The following CLTA variants were observed in gnomAD, a reference collection of about 807,000 sequenced individuals.
CLTA encodes clathrin light chain A.
A neutral mutation model predicts 26.9 loss-of-function variants in CLTA; 9 were observed. That is an observed-to-expected ratio of 0.33 (90% CI 0.20 to 0.58). The LOEUF is 0.58. Ranked by LOEUF, CLTA falls within the 20% of genes least tolerant of loss-of-function variation. CLTA has a pLI of 0.85. For missense variants in CLTA, 278 were observed against 294.2 expected, an observed-to-expected ratio of 0.94 and a Z score of 0.40; for synonymous variants, 120 against 115.5, an observed-to-expected ratio of 1.04 and a Z score of -0.25.
At chr9:36,194,080 C>A (rs538916815) in intron 1 of CLTA, among the ~76,000 whole-genome samples, 1 of 152,316 alleles carries the variant, frequency 6.6e-6, no homozygotes, top group South Asian at 2.1e-4. Context: ...GGCTGGAGTG[C>A]AGTGGTGCGA....
At chr9:36,210,676 C>G in intron 4 of CLTA, 1 of 1,614,136 alleles carries the variant, frequency 6.2e-7, no homozygotes, top group Non-Finnish European at 8.5e-7. Context: ...GTAAACCTTT[C>G]TCACTGCCCC....
intron 4 of CLTA, among the ~76,000 whole-genome samples, chr9:36,210,209 T>C (rs1351377232): frequency 1.3e-5 from 2 of 151,992 alleles, no homozygotes; most frequent in Non-Finnish European, 2.9e-5. Context: ...TGGCTTTACA[T>C]GAGAAGTAAG....
upstream of CLTA, chr9:36,190,918 C>G: frequency 1.4e-6 from 2 of 1,384,984 alleles, no homozygotes; most frequent in Non-Finnish European, 9.4e-7. Context: ...ACGGGTAGGG[C>G]TTCCGCTTTA....
intron 2 of CLTA, among the ~76,000 whole-genome samples, chr9:36,198,589 A>G (rs1288973649): frequency 1.3e-5 from 2 of 151,028 alleles, no homozygotes; most frequent in Admixed American, 6.6e-5. Flanking sequence ...AGGCAAGAGG[A>G]GAATTTGCTT....
At chr9:36,191,308 T>C (rs748446095) in intron 1 of CLTA, 35 bp downstream of exon 1, 5 of 1,478,336 alleles carry the variant, frequency 3.4e-6, no homozygotes, top group Middle Eastern at 2.4e-4. Context: ...CGAGAGGACT[T>C]GTCTGGAAAC....
rs1563919901 is a variant in CLTA at position 36,211,585 on chromosome 9, T to C, written c.486-18T>C. ...AGGGGGTTCTGCATAAACCAACATA[T>C]TTTGTTGTTGCTTCCAGGGCAGCAG... On this transcript the variant is annotated intron_variant, in intron 4 of 4. Coordinates refer to ENST00000345519, the MANE Select transcript of CLTA (RefSeq NM_001833.4). 6.3e-7 allele frequency: 1 copy of C among 1,599,392 alleles called. No homozygotes were observed. Among genetic ancestry groups the C allele is most frequent in the Admixed American group, 1.7e-5 (1 of 59,084 alleles).
At chr9:36,201,279 T>TA (rs1448386349) in intron 3 of CLTA, among the ~76,000 whole-genome samples, 3 of 152,224 alleles carry the variant, frequency 2.0e-5, no homozygotes, top group African/African-American at 4.8e-5. Flanking sequence ...CACGCGATGC[T>TA]AAAAATAGAG....
chr9:36,199,847 A>G (rs1186271435), intron 3 of CLTA, among the ~76,000 whole-genome samples: 1 of 152,232 alleles, frequency 6.6e-6, no homozygotes, highest in Non-Finnish European at 1.5e-5. Context: ...TTCCTACCTT[A>G]ATATCTCTGT....
At chr9:36,201,658 A>G (rs374495180) in intron 3 of CLTA, among the ~76,000 whole-genome samples, 1 of 152,224 alleles carries the variant, frequency 6.6e-6, no homozygotes, top group East Asian at 1.9e-4. Flanking sequence ...TCAAAAAGGT[A>G]ATTATTTGGA....
Position 36,190,991 on chromosome 9 carries a change from C to G in CLTA, c.-66C>G, listed in dbSNP as rs1342166750. 4 of 1,465,818 alleles carry G rather than the reference C, an allele frequency of 2.7e-6. No homozygotes were observed. The Admixed American group carries it at 7.7e-5, about 28-fold the overall frequency. 90.8% of individuals were successfully genotyped at this position (1,465,818 alleles called of 1,614,324 possible). On this transcript the variant is annotated 5_prime_UTR_variant, in exon 1 of 5. Transcript: ENST00000345519. ...CGGCACCACAGCGGTGGCTGCCGGGCGTGGTGTCGGTGGGTCGGTTGGTTT... is the reference window on the plus strand; with the variant it reads ...CGGCACCACAGCGGTGGCTGCCGGGGGTGGTGTCGGTGGGTCGGTTGGTTT...
At chr9:36,191,365 G>GC in intron 1 of CLTA, 92 bp downstream of exon 1, 1 of 1,358,324 alleles carries the variant, frequency 7.4e-7, no homozygotes, top group South Asian at 1.6e-5. Flanking sequence ...CGTGCTCCTT[G>GC]CTGAATTAGG....
intron 4 of CLTA, among the ~76,000 whole-genome samples, chr9:36,206,339 C>G (rs183756073): frequency 6.6e-6 from 1 of 152,232 alleles, no homozygotes; most frequent in African/African-American, 2.4e-5. Context: ...CACCAGGGCT[C>G]TAGGACAGAA....
intron 3 of CLTA, among the ~76,000 whole-genome samples, chr9:36,200,868 G>A (rs764504447): frequency 1.1e-4 from 17 of 152,154 alleles, no homozygotes; most frequent in Non-Finnish European, 2.2e-4. Flanking sequence ...ATTGGACAGT[G>A]GAGCTGTAGG....
chr9:36,200,409 A>G (rs1165846731), intron 3 of CLTA, among the ~76,000 whole-genome samples: 3 of 152,262 alleles, frequency 2.0e-5, no homozygotes, highest in Non-Finnish European at 2.9e-5. Context: ...AAATATTTCA[A>G]TGTACACCTC....
intron 1 of CLTA, among the ~76,000 whole-genome samples, chr9:36,191,740 TTC>T (rs1218094624): frequency 6.6e-6 from 1 of 152,158 alleles, no homozygotes; most frequent in African/African-American, 2.4e-5. Flanking sequence ...AGCAATGCAG[TTC>T]AGCATTTAAG....
At chr9:36,195,312 C>T (rs2132862228) in intron 1 of CLTA, among the ~76,000 whole-genome samples, 1 of 152,226 alleles carries the variant, frequency 6.6e-6, no homozygotes, top group African/African-American at 2.4e-5. Context: ...TAAGTTGTTC[C>T]AAGTGTTAAA....
rs777489969 is a variant in CLTA at position 36,209,351 on chromosome 9, A to G, written c.486-2252A>G. 3 of 1,482,058 alleles carry G rather than the reference A, an allele frequency of 2.0e-6. No individual in the cohort carries two copies. In the South Asian group the frequency reaches 3.4e-5, roughly 17 times the overall value. 91.8% of individuals were successfully genotyped at this position (1,482,058 alleles called of 1,614,324 possible). Reference sequence around the variant, plus strand: ...TTGCAAAACTAATTCCTTTTTCTACATCTGATTCTTTCTACTTTTGTTTAG... The same window carrying G: ...TTGCAAAACTAATTCCTTTTTCTACGTCTGATTCTTTCTACTTTTGTTTAG... On this transcript the variant is annotated intron_variant, in intron 4 of 4. Transcript: ENST00000345519.
At chr9:36,211,055 C>A (rs1045705342) in intron 4 of CLTA, among the ~76,000 whole-genome samples, 1 of 152,186 alleles carries the variant, frequency 6.6e-6, no homozygotes, top group African/African-American at 2.4e-5. Flanking sequence ...GGAGAATGTC[C>A]TAACAAACCC....
intron 3 of CLTA, among the ~76,000 whole-genome samples, chr9:36,199,983 C>T (rs1827305419): frequency 6.6e-6 from 1 of 152,182 alleles, no homozygotes; most frequent in Non-Finnish European, 1.5e-5. Flanking sequence ...TTCAAAGTCA[C>T]TACCCATCCC....
Sources: allele counts gnomAD v4.1 joint callset (sites outside exome capture counted in the v4.1 genomes callset), GRCh38; gene constraint gnomAD v4.1.1; transcripts MANE v1.5; gene names NCBI Gene and HGNC (gene_info 2026-07-23, HGNC 2026-07-21).